SPRED3: variants seen among roughly 807,000 people sequenced by gnomAD.
The protein encoded by SPRED3 is sprouty related EVH1 domain containing 3.
In SPRED3, 23 loss-of-function variants were observed where a neutral mutation model predicts 37.6. The ratio of observed to expected loss-of-function variants is 0.61; its 90% CI spans 0.44 to 0.87. SPRED3 has a LOEUF of 0.87. Ranked by LOEUF, SPRED3 falls within the 40% of genes least tolerant of loss-of-function variation. The pLI is 0.00. For synonymous variants in SPRED3, 302 were observed against 279.6 expected (o/e 1.08, Z -0.80); for missense variants, 584 against 618.6 (o/e 0.94, Z 0.59).
At position 38,395,960 on chromosome 19, in the gene SPRED3, T is replaced by C. The variant is rs1212032381; in HGVS notation, c.1048T>C (p.Phe350Leu). 3.4e-6 allele frequency: 5 copies of C among 1,477,702 alleles called. No homozygotes were observed. The highest frequency in any genetic ancestry group is 4.5e-6 in the Non-Finnish European group (5 of 1,120,734). 91.5% of individuals were successfully genotyped at this position (1,477,702 alleles called of 1,614,324 possible). Residue 350 changes from phenylalanine to leucine, a missense_variant, in exon 6 of 6, where the codon TTC becomes CTC. Phe to Leu is a conservative substitution (Grantham distance 22). Coordinates refer to ENST00000691638, the MANE Select transcript of SPRED3 (RefSeq NM_001394336.1). This position sits in a 1 kb window ranked among gnomAD's most constrained non-coding sequence, Gnocchi z 5.2. ...CTGCCTGTCGGACGCCGAGGGCGACTTCTCGGACCCGTGCGCCTGCGAGCC... is the reference window on the plus strand; with the variant it reads ...CTGCCTGTCGGACGCCGAGGGCGACCTCTCGGACCCGTGCGCCTGCGAGCC... ...YHCLSDAEGD[F>L]SDPCACEPGH... is the part of the protein sequence containing the mutation.
rs904884233 is a variant in SPRED3 at position 38,395,196 on chromosome 19, G to A, written c.568-284G>A. Among the ~76,000 whole-genome samples the A allele has an allele frequency of 5.9e-5, 9 of 152,126 alleles. No individual in the cohort carries two copies. The highest frequency in any genetic ancestry group is 1.2e-4 in the Non-Finnish European group (8 of 68,010). ...TTTAAGGAGGAGGTGGCTGGGTCCA[G>A]AACCCCTGGATCTCAAGGTAGAGGG... is the stretch of plus-strand genomic sequence containing the variant. On this transcript the variant is annotated intron_variant, in intron 5 of 5. Coordinates refer to ENST00000691638, the MANE Select transcript of SPRED3 (RefSeq NM_001394336.1). This position sits in a 1 kb window ranked among gnomAD's most constrained non-coding sequence, Gnocchi z 5.2.
In SPRED3 at chr19:38,392,231, C is replaced by T. The variant is rs775916773; in HGVS notation, c.366C>T (p.Ser122=). Reference sequence around the variant, plus strand: ...CCCCAGGCTCACTCACCCCCTCCTCCTCCTCCTCCTCCTCCTCTCCTTCCC... The same window carrying T: ...CCCCAGGCTCACTCACCCCCTCCTCTTCCTCCTCCTCCTCCTCTCCTTCCC... ...ALGRGSLTPS[S]SSSSSSPSQD... Residue 122 remains serine, a synonymous_variant, in exon 4 of 6, where the codon TCC becomes TCT. Transcript: ENST00000691638. 1 of 1,590,418 alleles carries T rather than the reference C, an allele frequency of 6.3e-7. No homozygotes were observed. The highest frequency in any genetic ancestry group is 2.3e-5 in the East Asian group (1 of 44,408).
chr19:38,396,688 C>T lies in SPRED3; in HGVS notation c.*543C>T, dbSNP rs1286975906. 1 of 152,078 alleles carries T rather than the reference C, an allele frequency of 6.6e-6. No individual in the cohort carries two copies. Among genetic ancestry groups the T allele is most frequent in the Non-Finnish European group, 1.5e-5 (1 of 68,044 alleles). 9.4% of individuals were successfully genotyped at this position (152,078 alleles called of 1,614,324 possible). A position where few individuals can be genotyped will look rare whatever the true frequency, so the allele number is the denominator to read the frequency against. On this transcript the variant is annotated 3_prime_UTR_variant, in exon 6 of 6. Coordinates refer to ENST00000691638, the MANE Select transcript of SPRED3 (RefSeq NM_001394336.1). ...GGTGCCCCCACATCTGAGACATTCT[C>T]ATAGTCCCAGGACCCCTGAGACAGC...
intron 5 of SPRED3, 80 bp downstream of exon 5, chr19:38,394,866 G>A: frequency 7.0e-7 from 1 of 1,434,118 alleles, no homozygotes; most frequent in Non-Finnish European, 9.1e-7. Flanking sequence ...CCATGGCCCG[G>A]GGAGGTGGGG....
At position 38,395,308 on chromosome 19, in the gene SPRED3, C is replaced by T. The variant is rs936894688; in HGVS notation, c.568-172C>T. On this transcript the variant is annotated intron_variant, in intron 5 of 5. Coordinates refer to ENST00000691638, the MANE Select transcript of SPRED3 (RefSeq NM_001394336.1). This position sits in a 1 kb window ranked among gnomAD's most constrained non-coding sequence, Gnocchi z 5.2. ...GGTCCTTAAAGGTGTGGGGTTGGTGCGTGGATTCCTCTGTCTGTCCCTGGA... is the reference window on the plus strand; with the variant it reads ...GGTCCTTAAAGGTGTGGGGTTGGTGTGTGGATTCCTCTGTCTGTCCCTGGA... 1.2e-4 allele frequency among the ~76,000 whole-genome samples: 18 copies of T among 152,080 alleles called. No individual in the cohort carries two copies. Among genetic ancestry groups the T allele is most frequent in the Admixed American group, 4.6e-4 (7 of 15,256 alleles).
intron 2 of SPRED3, 53 bp downstream of exon 2, chr19:38,390,532 G>A (rs1205678915): frequency 1.6e-6 from 2 of 1,275,098 alleles, no homozygotes; most frequent in Admixed American, 8.4e-5. Context: ...AGGGAGGGGA[G>A]AGGGGCTGGC....
chr19:38,390,281 T>TC lies in SPRED3; in HGVS notation c.-4-12dup, dbSNP rs767993895. On this transcript the variant is annotated splice_polypyrimidine_tract_variant and intron_variant, in intron 1 of 5. Coordinates refer to ENST00000691638, the MANE Select transcript of SPRED3 (RefSeq NM_001394336.1). Reference sequence around the variant, plus strand: ...CTCATGACTGTGTTGTCCCTGTCCTTCCCCCCACCTCCTGCAGGTACATGG... The same window carrying TC: ...CTCATGACTGTGTTGTCCCTGTCCTTCCCCCCCACCTCCTGCAGGTACATGG... 1.5e-5 allele frequency: 20 copies of TC among 1,337,126 alleles called. No individual in the cohort carries two copies. The African/African-American group carries it at 1.5e-4, about 10-fold the overall frequency. The allele number at this position is 1,337,126 out of a possible 1,614,324, so 82.8% of individuals were successfully genotyped here.
intron 2 of SPRED3, among the ~76,000 whole-genome samples, chr19:38,390,808 T>G (rs1365316587): frequency 1.4e-5 from 1 of 71,940 alleles, no homozygotes; most frequent in Non-Finnish European, 2.6e-5. Context: ...CCTCCTCTGC[T>G]CAAAACCCTC....
intron 4 of SPRED3, chr19:38,392,679 C>G (rs1970848148): frequency 6.4e-6 from 1 of 155,248 alleles, no homozygotes; most frequent in African/African-American, 2.4e-5. Flanking sequence ...ATTGACAACC[C>G]CATGCTTCCA....
rs776040740 is a variant in SPRED3 at position 38,390,447 on chromosome 19, G to A, written c.145G>A (p.Val49Ile). Reference protein sequence around the residue: ...PEGGARQGHYVIHGERLRDQK... With the variant: ...PEGGARQGHYIIHGERLRDQK... ...GGGGGGGGCCCGCCAGGGGCACTACGTCATCCACGGGGAACGCCTCCGGGA... is the reference window on the plus strand; with the variant it reads ...GGGGGGGGCCCGCCAGGGGCACTACATCATCCACGGGGAACGCCTCCGGGA... The change falls in exon 2 of 6, where the codon GTC becomes ATC. Residue 49 changes from valine (V) to isoleucine (I), a missense_variant. Transcript: ENST00000691638. 2.7e-5 allele frequency: 38 copies of A among 1,399,008 alleles called. No homozygotes were observed. Among genetic ancestry groups the A allele is most frequent in the South Asian group, 1.1e-4 (6 of 56,208 alleles). 86.7% of individuals were successfully genotyped at this position (1,399,008 alleles called of 1,614,324 possible).
At position 38,398,875 on chromosome 19, in the gene SPRED3, C is replaced by T. The variant is rs1447807399; in HGVS notation, c.*2730C>T. The T allele has an allele frequency of 2.0e-5, 3 of 152,174 alleles. No individual in the cohort carries two copies. Among genetic ancestry groups the T allele is most frequent in the East Asian group, 3.8e-4 (2 of 5,202 alleles). The allele number at this position is 152,174 out of a possible 1,614,324, so 9.4% of individuals were successfully genotyped here. A position where few individuals can be genotyped will look rare whatever the true frequency, so the allele number is the denominator to read the frequency against. On this transcript the variant is annotated 3_prime_UTR_variant, in exon 6 of 6. Coordinates refer to ENST00000691638, the MANE Select transcript of SPRED3 (RefSeq NM_001394336.1). ...TAAATTATTAACTATTTATTACATC[C>T]GGAACCTGTGAGATTCAGCACTCCC...
At position 38,396,080 on chromosome 19, in the gene SPRED3, C is replaced by T; in HGVS notation, c.1168C>T (p.His390Tyr). Residue 390 changes from histidine to tyrosine, a missense_variant, in exon 6 of 6, where the codon CAC becomes TAC. By Grantham distance (83) the His-to-Tyr change is moderately conservative (BLOSUM62 2). Transcript: ENST00000691638. ...LCCYAPLRAC[H>Y]WVAARCGCAG... is the part of the protein sequence containing the mutation. ...CTGCTACGCGCCCCTGCGCGCGTGC[C>T]ACTGGGTCGCAGCGCGATGCGGCTG... is the stretch of plus-strand genomic sequence containing the variant. The T allele has an allele frequency of 7.5e-7, 1 of 1,332,812 alleles. No individual in the cohort carries two copies. Among genetic ancestry groups the T allele is most frequent in the South Asian group, 2.0e-5 (1 of 50,286 alleles). The allele number at this position is 1,332,812 out of a possible 1,614,324, so 82.6% of individuals were successfully genotyped here.
In SPRED3 at chr19:38,395,644, C is replaced by T. The variant is rs771627354; in HGVS notation, c.732C>T (p.Thr244=). The T allele has an allele frequency of 1.3e-6, 2 of 1,532,340 alleles. No individual in the cohort carries two copies. Among genetic ancestry groups the T allele is most frequent in the South Asian group, 2.4e-5 (2 of 82,698 alleles). The allele number at this position is 1,532,340 out of a possible 1,614,324, so 94.9% of individuals were successfully genotyped here. The part of the protein sequence containing the change: ...LSTCVVRFAK[T]GALRGAALGP... ...CCTGCGTCGTGCGCTTCGCCAAGAC[C>T]GGCGCGTTGAGGGGCGCTGCCCTGG... The change falls in exon 6 of 6, where the codon ACC becomes ACT. Residue 244 remains threonine (T), a synonymous_variant. Transcript: ENST00000691638. This position sits in a 1 kb window ranked among gnomAD's most constrained non-coding sequence, Gnocchi z 5.2.
At position 38,395,994 on chromosome 19, in the gene SPRED3, C is replaced by T; in HGVS notation, c.1082C>T (p.Pro361Leu). Reference sequence around the variant, plus strand: ...CCGTGCGCCTGCGAGCCGGGCCACCCGCGCCCCGCCGCGCGCTGGGCCGCG... The same window carrying T: ...CCGTGCGCCTGCGAGCCGGGCCACCTGCGCCCCGCCGCGCGCTGGGCCGCG... Reference protein sequence around the residue: ...SDPCACEPGHPRPAARWAALA... With the variant: ...SDPCACEPGHLRPAARWAALA... Residue 361 changes from proline to leucine, a missense_variant, in exon 6 of 6, where the codon CCG becomes CTG. Physicochemically the swap from Pro to Leu is moderately conservative, Grantham distance 98. Coordinates refer to ENST00000691638, the MANE Select transcript of SPRED3 (RefSeq NM_001394336.1). This position sits in a 1 kb window ranked among gnomAD's most constrained non-coding sequence, Gnocchi z 5.2. 7.0e-7 allele frequency: 1 copy of T among 1,423,844 alleles called. No individual in the cohort carries two copies. Among genetic ancestry groups the T allele is most frequent in the Non-Finnish European group, 9.1e-7 (1 of 1,094,624 alleles). 88.2% of individuals were successfully genotyped at this position (1,423,844 alleles called of 1,614,324 possible).
chr19:38,399,339 A>C lies in SPRED3; in HGVS notation c.*3194A>C, dbSNP rs1600522063. On this transcript the variant is annotated 3_prime_UTR_variant, in exon 6 of 6. Transcript: ENST00000691638. Reference sequence around the variant, plus strand: ...GCCCTGGGAGCCAGGCAGACCTCAGACCCTGGAGCCCCCAGGCCCAATTTC... The same window carrying C: ...GCCCTGGGAGCCAGGCAGACCTCAGCCCCTGGAGCCCCCAGGCCCAATTTC... 6.6e-6 allele frequency: 1 copy of C among 152,124 alleles called. No homozygotes were observed. Among genetic ancestry groups the C allele is most frequent in the Non-Finnish European group, 1.5e-5 (1 of 68,074 alleles). 9.4% of individuals were successfully genotyped at this position (152,124 alleles called of 1,614,324 possible).
rs1600512819 is a variant in SPRED3, at chr19:38,390,426, G to A, written c.124G>A (p.Gly42Arg). 2 of 1,405,944 alleles carry A rather than the reference G, an allele frequency of 1.4e-6. No individual in the cohort carries two copies. Among genetic ancestry groups the A allele is most frequent in the South Asian group, 3.6e-5 (2 of 56,036 alleles). The allele number at this position is 1,405,944 out of a possible 1,614,324, so 87.1% of individuals were successfully genotyped here. The change falls in exon 2 of 6, where the codon GGG becomes AGG. Residue 42 changes from glycine (G) to arginine (R), a missense_variant. Transcript: ENST00000691638. ...CRVRGARPEGGARQGHYVIHG... is the reference protein window; with the variant it reads ...CRVRGARPEGRARQGHYVIHG... The stretch of plus-strand genomic sequence containing the variant: ...GGTCCGAGGGGCCAGGCCCGAGGGG[G>A]GGGCCCGCCAGGGGCACTACGTCAT...
At chr19:38,393,551 T>A (rs937914205) in intron 4 of SPRED3, among the ~76,000 whole-genome samples, 1 of 152,112 alleles carries the variant, frequency 6.6e-6, no homozygotes, top group African/African-American at 2.4e-5. Flanking sequence ...TTGGTCAGGC[T>A]GATCTCAAAC....
chr19:38,391,324 G>GA (rs769735728), intron 2 of SPRED3, among the ~76,000 whole-genome samples: 1,801 of 111,588 alleles, frequency 0.016, 30 homozygotes, highest in African/African-American at 0.047. Context: ...AGCTCATCTG[G>GA]AAAAAAAAAA....
At position 38,394,636 on chromosome 19, in the gene SPRED3, C is replaced by G. The variant is rs1235220785; in HGVS notation, c.424-7C>G. 1 of 1,592,384 alleles carries G rather than the reference C, an allele frequency of 6.3e-7. No individual in the cohort carries two copies. Among genetic ancestry groups the G allele is most frequent in the East Asian group, 2.2e-5 (1 of 44,460 alleles). On this transcript the variant is annotated splice_region_variant and splice_polypyrimidine_tract_variant and intron_variant, in intron 4 of 5. Transcript: ENST00000691638. ...GTCCCCGCGCTGAGGCCGCCAATCT[C>G]CTCCAGTCCCACGTGGACAGCGACT...
Sources: allele counts gnomAD v4.1 joint callset (sites outside exome capture counted in the v4.1 genomes callset), GRCh38; gene constraint gnomAD v4.1.1; non-coding constraint Gnocchi (gnomAD v3.1); transcripts MANE v1.5; gene names NCBI Gene and HGNC (gene_info 2026-07-23, HGNC 2026-07-21).